Variants in TDRD3 observed in about 807,000 individuals in gnomAD.
TDRD3 encodes the protein tudor domain containing 3, also known as tudor domain-containing protein 3.
TDRD3 carries 45 observed loss-of-function variants against 86.7 expected under a neutral mutation model. That is an observed-to-expected ratio of 0.52 (90% CI 0.41 to 0.67). TDRD3 has a LOEUF of 0.67. TDRD3 is among the 30% of genes least tolerant of loss of function. The probability of loss-of-function intolerance (pLI) is 0.00; values close to 1 mark genes in which losing one functional copy is unlikely to be tolerated. For missense variants in TDRD3, 814 were observed against 889.0 expected, an observed-to-expected ratio of 0.92 and a Z score of 1.07; for synonymous variants, 298 against 301.7, an observed-to-expected ratio of 0.99 and a Z score of 0.13.
intron 1 of TDRD3, among the ~76,000 whole-genome samples, chr13:60,430,286 G>A (rs1435483512): frequency 1.3e-5 from 2 of 152,062 alleles, no homozygotes; most frequent in East Asian, 3.8e-4. Flanking sequence ...ATTCTGGAAG[G>A]CCTCACCTTG....
chr13:60,530,857 A>C (rs1957568507), intron 11 of TDRD3, among the ~76,000 whole-genome samples: 1 of 152,196 alleles, frequency 6.6e-6, no homozygotes, highest in Non-Finnish European at 1.5e-5. Context: ...GAAGATTTCA[A>C]GGAATTGAAA....
chr13:60,453,704 A>G (rs1392671026), intron 3 of TDRD3, among the ~76,000 whole-genome samples: 1 of 152,208 alleles, frequency 6.6e-6, no homozygotes, highest in Non-Finnish European at 1.5e-5. Context: ...GGATACTGGA[A>G]TGCTCCCTGG....
At chr13:60,570,585 G>C (rs1356087730) in intron 13 of TDRD3, among the ~76,000 whole-genome samples, 2 of 152,148 alleles carry the variant, frequency 1.3e-5, no homozygotes, top group African/African-American at 4.8e-5. Flanking sequence ...AGGAAATCAG[G>C]GTATTTTATT....
intron 11 of TDRD3, among the ~76,000 whole-genome samples, chr13:60,534,180 G>C (rs570773642): frequency 6.6e-6 from 1 of 152,268 alleles, no homozygotes; most frequent in East Asian, 1.9e-4. Context: ...AGGCATGGTT[G>C]TATGCACCTG....
rs79850450 is a variant in TDRD3 at position 60,516,469 on chromosome 13, A to C, written c.1141+5714A>C. 2.2e-3 allele frequency among the ~76,000 whole-genome samples: 340 copies of C among 152,310 alleles called. 12 individuals are homozygous for C. The East Asian group carries it at 0.058, about 26-fold the overall frequency. On this transcript the variant is annotated intron_variant, in intron 10 of 13. Coordinates refer to ENST00000377881, the MANE Select transcript of TDRD3 (RefSeq NM_001146070.2). ...TGACGTTTTTATTAATATTCTGAAAAAAGTGAGGTTGGATTGCATTGTTTT... is the reference window on the plus strand; with the variant it reads ...TGACGTTTTTATTAATATTCTGAAACAAGTGAGGTTGGATTGCATTGTTTT...
intron 6 of TDRD3, chr13:60,484,764 A>G (rs1435902622): frequency 4.5e-6 from 2 of 445,068 alleles, no homozygotes; most frequent in East Asian, 1.4e-4. Flanking sequence ...GATGGTTGGT[A>G]TTCTCCCAGT....
chr13:60,547,445 C>G, intron 12 of TDRD3: 4 of 983,558 alleles, frequency 4.1e-6, no homozygotes, highest in Non-Finnish European at 4.8e-6. Context: ...GTCAGAAGAC[C>G]TGGGTTCGAG....
chr13:60,508,086 G>A (rs1175181703), intron 8 of TDRD3, among the ~76,000 whole-genome samples: 2 of 152,154 alleles, frequency 1.3e-5, no homozygotes, highest in South Asian at 2.1e-4. Flanking sequence ...TCTTCAAGGA[G>A]AACTAGAAAC....
intron 5 of TDRD3, among the ~76,000 whole-genome samples, chr13:60,474,267 G>A (rs1956135697): frequency 6.6e-6 from 1 of 152,198 alleles, no homozygotes; most frequent in East Asian, 1.9e-4. Flanking sequence ...TATCATTGTA[G>A]ATGGCTCACA....
chr13:60,504,682 C>T (rs1215187364), intron 8 of TDRD3, among the ~76,000 whole-genome samples: 1 of 152,182 alleles, frequency 6.6e-6, no homozygotes. Context: ...CGGCCTGCAG[C>T]TCCTAGCGAG....
At chr13:60,565,863 C>T (rs529150408) in intron 12 of TDRD3, among the ~76,000 whole-genome samples, 1 of 152,164 alleles carries the variant, frequency 6.6e-6, no homozygotes, top group African/African-American at 2.4e-5. Context: ...TAACTTCTTT[C>T]CTGAATACTT....
intron 4 of TDRD3, among the ~76,000 whole-genome samples, chr13:60,466,662 C>T (rs1251023288): frequency 1.3e-5 from 2 of 152,056 alleles, no homozygotes; most frequent in Non-Finnish European, 2.9e-5. Flanking sequence ...GGGGCGCATG[C>T]CTGTAATCCC....
At chr13:60,496,486 A>C (rs1401595609) in intron 8 of TDRD3, among the ~76,000 whole-genome samples, 1 of 151,670 alleles carries the variant, frequency 6.6e-6, no homozygotes, top group African/African-American at 2.4e-5. Context: ...GATTAGATCC[A>C]AAACTGCTAT....
intron 10 of TDRD3, among the ~76,000 whole-genome samples, chr13:60,514,438 G>GT (rs1341731931): frequency 6.6e-6 from 1 of 152,212 alleles, no homozygotes; most frequent in Non-Finnish European, 1.5e-5. Context: ...TCAAGGTTTA[G>GT]TAACTTTGTT....
At chr13:60,499,572 C>T (rs1595027797) in intron 8 of TDRD3, among the ~76,000 whole-genome samples, 2 of 152,228 alleles carry the variant, frequency 1.3e-5, no homozygotes, top group Non-Finnish European at 1.5e-5. Context: ...TGGTCTCTTA[C>T]AGTGATGACA....
chr13:60,461,512 C>T (rs1175077249), intron 4 of TDRD3, among the ~76,000 whole-genome samples: 1 of 152,140 alleles, frequency 6.6e-6, no homozygotes, highest in Admixed American at 6.6e-5. Context: ...CTCCTCCCAC[C>T]TGCCTTTTTT....
intron 3 of TDRD3, among the ~76,000 whole-genome samples, chr13:60,450,048 C>CA: frequency 6.6e-6 from 1 of 152,134 alleles, no homozygotes; most frequent in East Asian, 1.9e-4. Context: ...TGCTAGGTCC[C>CA]ATGTTAAATA....
intron 12 of TDRD3, among the ~76,000 whole-genome samples, chr13:60,541,065 T>C (rs1957798098): frequency 6.6e-6 from 1 of 152,220 alleles, no homozygotes; most frequent in African/African-American, 2.4e-5. Flanking sequence ...TAAACAAATT[T>C]GGAAAATGCT....
chr13:60,552,515 C>T (rs531871321), intron 12 of TDRD3, among the ~76,000 whole-genome samples: 41 of 152,200 alleles, frequency 2.7e-4, no homozygotes, highest in Non-Finnish European at 4.6e-4. Context: ...TCCAAGCACA[C>T]GGTGCAAGCT....
Sources: allele counts gnomAD v4.1 joint callset (sites outside exome capture counted in the v4.1 genomes callset), GRCh38; gene constraint gnomAD v4.1.1; transcripts MANE v1.5; gene names NCBI Gene and HGNC (gene_info 2026-07-23, HGNC 2026-07-21).